VAV1: variants seen among roughly 807,000 people sequenced by gnomAD.
VAV1 encodes vav guanine nucleotide exchange factor 1.
VAV1 carries 33 observed loss-of-function variants against 128.1 expected under a neutral mutation model. The observed-to-expected ratio is 0.26, with a 90% CI of 0.20 to 0.34. The LOEUF (loss-of-function observed/expected upper bound fraction) is 0.34. VAV1 is among the 10% of genes least tolerant of loss of function. VAV1 has a pLI of 1.00. For synonymous variants in VAV1, 394 were observed against 409.8 expected (o/e 0.96, Z 0.47); for missense variants, 715 against 1,093.7 (o/e 0.65, Z 4.88).
At chr19:6,816,323 A>AGCTCTCTTCTT (rs1971649073) in intron 1 of VAV1, 1 of 152,084 alleles carries the variant, frequency 6.6e-6, no homozygotes, top group Non-Finnish European at 1.5e-5. Context: ...CCCGGCTACA[A>AGCTCTCTTCTT]AAACATTTTT....
Position 6,820,760 on chromosome 19 carries a change from T to G in VAV1, c.263T>G (p.Leu88Arg). 1 of 1,614,230 alleles carries G rather than the reference T, an allele frequency of 6.2e-7. No individual in the cohort carries two copies. Among genetic ancestry groups the G allele is most frequent in the Non-Finnish European group, 8.5e-7 (1 of 1,180,042 alleles). The stretch of plus-strand genomic sequence containing the variant: ...TCCACCTGCTGTGAGAAGTTCGGCC[T>G]CAAGCGGAGCGAGCTCTTCGAAGCC... ...FLSTCCEKFG[L>R]KRSELFEAFD... The change falls in exon 2 of 27, where the codon CTC becomes CGC. Residue 88 changes from leucine (L) to arginine (R), a missense_variant. This residue lies in a region of VAV1 where 302 missense variants were observed against 477.8 expected (regional missense o/e 0.63). Transcript: ENST00000602142. The surrounding 1 kb of genome is among the most constrained non-coding windows in gnomAD (Gnocchi z 4.4).
chr19:6,781,462 T>C (rs1219802435), intron 1 of VAV1, among the ~76,000 whole-genome samples: 4 of 152,320 alleles, frequency 2.6e-5, no homozygotes, highest in South Asian at 2.1e-4. Flanking sequence ...AGGCTCAGTT[T>C]ACATTTTCTC....
chr19:6,810,416 T>A (rs1599643930), intron 1 of VAV1, among the ~76,000 whole-genome samples: 2 of 152,068 alleles, frequency 1.3e-5, no homozygotes, highest in East Asian at 3.9e-4. Flanking sequence ...GAAATTACTC[T>A]AACTTGGCCG....
chr19:6,848,142 CT>C, intron 23 of VAV1, 28 bp downstream of exon 23: 3 of 1,525,062 alleles, frequency 2.0e-6, no homozygotes, highest in East Asian at 2.7e-5. Flanking sequence ...GACTCATACC[CT>C]TTTGGGGCCT....
intron 2 of VAV1, 127 bp from the exon 3 acceptor site, chr19:6,821,495 A>G: frequency 9.1e-7 from 1 of 1,097,248 alleles, no homozygotes; most frequent in South Asian, 1.3e-5. Context: ...GGAGGTAGAG[A>G]AAATCCTGAA....
At chr19:6,814,671 C>CCTTCCTTCCTTTCTTT in intron 1 of VAV1, among the ~76,000 whole-genome samples, 8 of 25,790 alleles carry the variant, frequency 3.1e-4, no homozygotes, top group African/African-American at 9.6e-4. Flanking sequence ...TTCCTTCCTT[C>CCTTCCTTCCTTTCTTT]CTTTCTTTCT....
chr19:6,802,207 G>A (rs549800733), intron 1 of VAV1, among the ~76,000 whole-genome samples: 2 of 152,144 alleles, frequency 1.3e-5, no homozygotes, highest in South Asian at 2.1e-4. Flanking sequence ...GGGGAAGTGG[G>A]GAGGGATAAC....
In VAV1 at chr19:6,828,715, C is replaced by T. The variant is rs764006686; in HGVS notation, c.1179+7C>T. 1.2e-5 allele frequency: 19 copies of T among 1,614,078 alleles called. No homozygotes were observed. The East Asian group carries it at 2.2e-4, about 19-fold the overall frequency. On this transcript the variant is annotated splice_region_variant and intron_variant, in intron 12 of 26. Transcript: ENST00000602142. This position sits in a 1 kb window ranked among gnomAD's most constrained non-coding sequence, Gnocchi z 4.5. Reference sequence around the variant, plus strand: ...GCTGTCCATTGAGAACCTGGTGAGGCGGTGGAGCCGGGTGGGCCAGGGGTG... The same window carrying T: ...GCTGTCCATTGAGAACCTGGTGAGGTGGTGGAGCCGGGTGGGCCAGGGGTG...
At chr19:6,791,657 A>C (rs2660484) in intron 1 of VAV1, among the ~76,000 whole-genome samples, 2 of 152,114 alleles carry the variant, frequency 1.3e-5, no homozygotes, top group African/African-American at 4.8e-5. Context: ...TTTGACCTGG[A>C]TACATCTTTA....
chr19:6,848,052 G>C lies in VAV1; in HGVS notation c.2067G>C (p.Ser689=), dbSNP rs138664261. 2 of 1,540,162 alleles carry C rather than the reference G, an allele frequency of 1.3e-6. No homozygotes were observed. The highest frequency in any genetic ancestry group is 8.7e-7 in the Non-Finnish European group (1 of 1,151,976). The change falls in exon 23 of 27, where the codon TCG becomes TCC. Residue 689 remains serine (S), a synonymous_variant. Coordinates refer to ENST00000602142, the MANE Select transcript of VAV1 (RefSeq NM_005428.4). ...AGAESILANR[S]DGTFLVRQRV... ...CAGAGAGCATCCTGGCCAACCGCTC[G>C]GACGGGACTTTCTTGGTGCGGCAGA...
Position 6,850,677 on chromosome 19 carries a change from G to T in VAV1, c.2137G>T (p.Val713Phe), listed in dbSNP as rs745830320. 3.7e-6 allele frequency: 6 copies of T among 1,613,884 alleles called. No homozygotes were observed. The highest frequency in any genetic ancestry group is 5.1e-6 in the Non-Finnish European group (6 of 1,180,002). The change falls in exon 24 of 27, where the codon GTC becomes TTC. Residue 713 changes from valine (V) to phenylalanine (F), a missense_variant. By Grantham distance (50) the Val-to-Phe change is conservative. This residue lies in a region of VAV1 where 407 missense variants were observed against 580.6 expected (regional missense o/e 0.70). Transcript: ENST00000602142. ...GTGACCATCTGGTTCCAGATATAAC[G>T]TCGAGGTCAAGCACATTAAAATCAT... The part of the protein sequence containing the change: ...AEFAISIKYN[V>F]EVKHIKIMTA...
At chr19:6,799,760 G>A (rs1971221908) in intron 1 of VAV1, among the ~76,000 whole-genome samples, 1 of 149,286 alleles carries the variant, frequency 6.7e-6, no homozygotes, top group South Asian at 2.1e-4. Context: ...CAGGAGGATT[G>A]CTTGAGCCCA....
At chr19:6,814,028 C>G (rs1046346742) in intron 1 of VAV1, among the ~76,000 whole-genome samples, 1 of 152,124 alleles carries the variant, frequency 6.6e-6, no homozygotes, top group Non-Finnish European at 1.5e-5. Flanking sequence ...CCACTCCACT[C>G]CGGCCTGGGT....
intron 21 of VAV1, among the ~76,000 whole-genome samples, chr19:6,840,795 T>C (rs1420112524): frequency 6.6e-6 from 1 of 151,916 alleles, no homozygotes; most frequent in African/African-American, 2.4e-5. Flanking sequence ...AAAAAAATTT[T>C]TGAGATGGAG....
chr19:6,779,502 G>A (rs74803260), intron 1 of VAV1, among the ~76,000 whole-genome samples: 1,741 of 150,982 alleles, frequency 0.012, 53 homozygotes, highest in African/African-American at 0.038. Flanking sequence ...ACATGACTGC[G>A]TATTCCATTT....
chr19:6,811,359 T>C (rs1971507724), intron 1 of VAV1, among the ~76,000 whole-genome samples: 1 of 152,144 alleles, frequency 6.6e-6, no homozygotes, highest in Admixed American at 6.6e-5. Flanking sequence ...CAATAAATTG[T>C]ATTGGGCACT....
chr19:6,818,970 G>C (rs1413916698), intron 1 of VAV1, among the ~76,000 whole-genome samples: 2 of 152,206 alleles, frequency 1.3e-5, no homozygotes, highest in East Asian at 1.9e-4. Flanking sequence ...ACAAAAATAA[G>C]CTGGGTGTGA....
In VAV1 at chr19:6,772,850, C is replaced by T. The variant is rs1970533373; in HGVS notation, c.43C>T (p.Arg15Trp). The change falls in exon 1 of 27, where the codon CGG (arginine) becomes TGG (tryptophan). Residue 15 changes from arginine to tryptophan, a missense_variant. Arg to Trp is a moderately radical substitution (Grantham distance 101, BLOSUM62 -3). This residue lies in a region of VAV1 where 302 missense variants were observed against 477.8 expected (regional missense o/e 0.63). Coordinates refer to ENST00000602142, the MANE Select transcript of VAV1 (RefSeq NM_005428.4). This position sits in a 1 kb window ranked among gnomAD's most constrained non-coding sequence, Gnocchi z 4.8. ...RQCTHWLIQC[R>W]VLPPSHRVTW... ...ATGCACCCACTGGCTCATCCAGTGC[C>T]GGGTGCTGCCGCCCAGCCACCGCGT... is the stretch of plus-strand genomic sequence containing the variant. 1.2e-6 allele frequency: 2 copies of T among 1,613,928 alleles called. No individual in the cohort carries two copies.
chr19:6,802,892 A>G (rs1200896729), intron 1 of VAV1, among the ~76,000 whole-genome samples: 1 of 152,124 alleles, frequency 6.6e-6, no homozygotes, highest in Non-Finnish European at 1.5e-5. Context: ...AGCATCTACT[A>G]TGTGTCAGAC....
Sources: gnomAD v4.1 joint callset for allele counts (sites outside exome capture counted in the v4.1 genomes callset) on GRCh38, gnomAD v4.1.1 for gene constraint, gnomAD v4.1.1 regional missense constraint, Gnocchi (gnomAD v3.1) non-coding constraint, MANE v1.5 for transcripts, NCBI Gene and HGNC (gene_info 2026-07-23, HGNC 2026-07-21) for gene names.